DLGAP1: variants seen among roughly 807,000 people sequenced by gnomAD.
The protein encoded by DLGAP1 is DLG associated protein 1.
DLGAP1 carries 11 observed loss-of-function variants against 90.8 expected under a neutral mutation model. The observed-to-expected ratio is 0.12, with a 90% CI of 0.08 to 0.20. The LOEUF (loss-of-function observed/expected upper bound fraction) is 0.20, where lower values mean the gene tolerates loss of function less well. Among genes scored for constraint, DLGAP1 ranks in the 10% least tolerant of loss-of-function variants. The pLI, the probability that DLGAP1 is intolerant of heterozygous loss-of-function variation, is 1.00. For missense variants in DLGAP1, 1,050 were observed against 1,333.8 expected, an observed-to-expected ratio of 0.79 and a Z score of 3.31; for synonymous variants, 558 against 540.7, an observed-to-expected ratio of 1.03 and a Z score of -0.44.
At chr18:3,546,976 TA>T (rs55943266) in intron 9 of DLGAP1, among the ~76,000 whole-genome samples, 28,918 of 149,696 alleles carry the variant, frequency 0.19, 3,203 homozygotes, top group African/African-American at 0.32. Flanking sequence ...AGCAGACAGA[TA>T]AAAAAAAAAA....
intron 4 of DLGAP1, among the ~76,000 whole-genome samples, chr18:3,838,406 C>A (rs1462188055): frequency 6.6e-6 from 1 of 152,184 alleles, no homozygotes; most frequent in East Asian, 1.9e-4. Context: ...ATGGTTGCTA[C>A]ACATATTTGT....
intron 7 of DLGAP1, among the ~76,000 whole-genome samples, chr18:3,590,583 G>T (rs567873822): frequency 6.6e-6 from 1 of 152,032 alleles, no homozygotes; most frequent in Non-Finnish European, 1.5e-5. Flanking sequence ...GGTCAGGTAC[G>T]GTGGCCCACA....
chr18:3,962,359 T>C (rs1378449217), intron 3 of DLGAP1: 2 of 152,216 alleles, frequency 1.3e-5, no homozygotes, highest in Non-Finnish European at 1.5e-5. Context: ...TTGGGAGAAT[T>C]GATCCAATGA....
rs1358260200 is a variant in DLGAP1 at position 4,357,073 on chromosome 18, C to G, written c.-267+97933G>C. Among the ~76,000 whole-genome samples the G allele has an allele frequency of 2.5e-5, 3 of 120,580 alleles. No individual in the cohort carries two copies. In the Admixed American group the frequency reaches 2.9e-4, roughly 12 times the overall value. The allele number at this position is 120,580 out of a possible 152,430, so 79.1% of individuals were successfully genotyped here. A position where few individuals can be genotyped will look rare whatever the true frequency, so the allele number is the denominator to read the frequency against. ...TCTGTCTGTCTGTCTCTCTCTCTCT[C>G]TGTGTATATACGTGTGCGTGTGTGT... is the stretch of plus-strand genomic sequence containing the variant. On this transcript the variant is annotated intron_variant, in intron 1 of 12. Coordinates refer to ENST00000315677, the MANE Select transcript of DLGAP1 (RefSeq NM_004746.4).
At chr18:3,570,999 T>TTAAC (rs1205151231) in intron 8 of DLGAP1, among the ~76,000 whole-genome samples, 1 of 151,636 alleles carries the variant, frequency 6.6e-6, no homozygotes, top group Non-Finnish European at 1.5e-5. Context: ...TTTTGGAGTA[T>TTAAC]TAACTTCTAA....
intron 1 of DLGAP1, among the ~76,000 whole-genome samples, chr18:4,369,449 A>C (rs898303462): frequency 6.6e-6 from 1 of 152,156 alleles, no homozygotes; most frequent in Non-Finnish European, 1.5e-5. Context: ...TGCCTTCGTT[A>C]CCACAACTGT....
At position 4,175,500 on chromosome 18, in the gene DLGAP1, T is replaced by A. The variant is rs150483981; in HGVS notation, c.-266-24213A>T. Among the ~76,000 whole-genome samples, 422 of 152,332 alleles carry A rather than the reference T, an allele frequency of 2.8e-3. 3 individuals are homozygous for A. Among genetic ancestry groups the A allele is most frequent in the Non-Finnish European group, 4.6e-3 (316 of 68,032 alleles). On this transcript the variant is annotated intron_variant, in intron 1 of 12. Coordinates refer to ENST00000315677, the MANE Select transcript of DLGAP1 (RefSeq NM_004746.4). The stretch of plus-strand genomic sequence containing the variant: ...GTCATGAAATCTTTGCCCATGCCTA[T>A]GTCCTGAATGGTATTGCCTAGGTTT...
intron 2 of DLGAP1, among the ~76,000 whole-genome samples, chr18:4,071,690 T>G (rs183480362): frequency 7.2e-4 from 109 of 152,336 alleles, no homozygotes; most frequent in African/African-American, 2.5e-3. Context: ...CAAGAAAAGT[T>G]TGTCTCTGAC....
At chr18:4,093,888 C>A (rs1260227993) in intron 2 of DLGAP1, among the ~76,000 whole-genome samples, 1 of 152,182 alleles carries the variant, frequency 6.6e-6, no homozygotes, top group Non-Finnish European at 1.5e-5. Context: ...CTCTCCCTCA[C>A]GCTTTTGACA....
intron 2 of DLGAP1, among the ~76,000 whole-genome samples, chr18:4,033,611 T>C (rs2074835162): frequency 1.3e-5 from 2 of 152,226 alleles, no homozygotes; most frequent in Non-Finnish European, 2.9e-5. Flanking sequence ...GTAGAGCATA[T>C]GCATTTTCTA....
At chr18:3,800,004 C>A (rs944580160) in intron 5 of DLGAP1, among the ~76,000 whole-genome samples, 1 of 152,102 alleles carries the variant, frequency 6.6e-6, no homozygotes, top group Non-Finnish European at 1.5e-5. Context: ...AAAAAATCCA[C>A]CTAATTTTAA....
At position 4,352,659 on chromosome 18, in the gene DLGAP1, G is replaced by A. The variant is rs147603240; in HGVS notation, c.-267+102347C>T. 7.7e-3 allele frequency among the ~76,000 whole-genome samples: 1,178 copies of A among 152,010 alleles called. 11 individuals are homozygous for A. Among genetic ancestry groups the A allele is most frequent in the Middle Eastern group, 0.02 (6 of 294 alleles). Reference sequence around the variant, plus strand: ...CTTGACAACTTGTCTTTTCCATAACGTTTCTGTTTGAATTAAGAAAAGCTA... The same window carrying A: ...CTTGACAACTTGTCTTTTCCATAACATTTCTGTTTGAATTAAGAAAAGCTA... On this transcript the variant is annotated intron_variant, in intron 1 of 12. Coordinates refer to ENST00000315677, the MANE Select transcript of DLGAP1 (RefSeq NM_004746.4).
At chr18:3,587,482 T>A (rs879428069) in intron 7 of DLGAP1, among the ~76,000 whole-genome samples, 19 of 152,230 alleles carry the variant, frequency 1.2e-4, no homozygotes, top group South Asian at 1.0e-3. Context: ...AACGCACCAA[T>A]CGGCACTCTG....
chr18:4,235,969 G>A (rs908332383), intron 1 of DLGAP1, among the ~76,000 whole-genome samples: 3 of 151,648 alleles, frequency 2.0e-5, no homozygotes, highest in Non-Finnish European at 4.4e-5. Flanking sequence ...CAGGTGATCC[G>A]CCTGCCTTAG....
chr18:3,734,112 ATT>A (rs1334555139), intron 6 of DLGAP1, among the ~76,000 whole-genome samples: 2 of 152,100 alleles, frequency 1.3e-5, no homozygotes, highest in African/African-American at 4.8e-5. Flanking sequence ...TAAAAAAATC[ATT>A]GTTTTTCTTA....
At position 3,558,567 on chromosome 18, in the gene DLGAP1, G is replaced by A. The variant is rs193087835; in HGVS notation, c.2057+8923C>T. Among the ~76,000 whole-genome samples, 400 of 152,192 alleles carry A rather than the reference G, an allele frequency of 2.6e-3. 1 individual carries two copies. The highest frequency in any genetic ancestry group is 9.2e-3 in the African/African-American group (383 of 41,528). Reference sequence around the variant, plus strand: ...GTATTTTGAAACTCTGTTGGTAGGTGCATACATGTTAAAGATTTTTATGTC... The same window carrying A: ...GTATTTTGAAACTCTGTTGGTAGGTACATACATGTTAAAGATTTTTATGTC... On this transcript the variant is annotated intron_variant, in intron 9 of 12. Coordinates refer to ENST00000315677, the MANE Select transcript of DLGAP1 (RefSeq NM_004746.4).
At chr18:4,155,598 C>A (rs1193931700) in intron 1 of DLGAP1, among the ~76,000 whole-genome samples, 1 of 152,138 alleles carries the variant, frequency 6.6e-6, no homozygotes, top group African/African-American at 2.4e-5. Context: ...TAAGAGCAAA[C>A]TACACTACTG....
chr18:3,636,373 T>G (rs1161589852), intron 7 of DLGAP1, among the ~76,000 whole-genome samples: 1 of 151,674 alleles, frequency 6.6e-6, no homozygotes, highest in Admixed American at 6.6e-5. Context: ...GAGTGCCCAG[T>G]TCAATAGAAT....
At chr18:4,273,232 A>T (rs1376752093) in intron 1 of DLGAP1, among the ~76,000 whole-genome samples, 1 of 152,116 alleles carries the variant, frequency 6.6e-6, no homozygotes, top group African/African-American at 2.4e-5. Context: ...ATCATTTGTT[A>T]ACCTCTCACC....
Sources: allele counts gnomAD v4.1 joint callset (sites outside exome capture counted in the v4.1 genomes callset), GRCh38; gene constraint gnomAD v4.1.1; transcripts MANE v1.5; gene names NCBI Gene and HGNC (gene_info 2026-07-23, HGNC 2026-07-21).